Variants in GRB14 observed in about 807,000 individuals in gnomAD.
GRB14 encodes growth factor receptor-bound protein 14.
A neutral mutation model predicts 69.1 loss-of-function variants in GRB14; 38 were observed. The ratio of observed to expected loss-of-function variants is 0.55; its 90% CI spans 0.42 to 0.72. The LOEUF is 0.72. GRB14 is among the 30% of genes least tolerant of loss of function. GRB14 has a pLI of 0.00. For missense variants in GRB14, 666 were observed against 666.1 expected (o/e 1.00, Z 0.00); for synonymous variants, 247 against 241.3 (o/e 1.02, Z -0.22).
intron 2 of GRB14, among the ~76,000 whole-genome samples, chr2:164,589,652 T>C (rs1354179421): frequency 3.3e-5 from 5 of 152,082 alleles, no homozygotes; most frequent in South Asian, 2.1e-4. Flanking sequence ...AATCTATTCA[T>C]GGGGACTTCA....
In GRB14 at chr2:164,496,192, C is replaced by T. The variant is rs143409208; in HGVS notation, c.1382+816G>A. On this transcript the variant is annotated intron_variant, in intron 12 of 13. Transcript: ENST00000263915. ...CCTTGAAATCTTGTCATGATAATGA[C>T]ATGATTAGCCAACTTTTGAAGATAA... 3.8e-3 allele frequency among the ~76,000 whole-genome samples: 582 copies of T among 152,256 alleles called. 4 individuals are homozygous for T. Among genetic ancestry groups the T allele is most frequent in the Non-Finnish European group, 6.8e-3 (463 of 68,022 alleles).
chr2:164,502,270 C>G lies in GRB14; in HGVS notation c.1089G>C (p.Gln363His), dbSNP rs752469025. Residue 363 changes from glutamine to histidine, a missense_variant, in exon 9 of 14, where the codon CAG (glutamine) becomes CAC (histidine). By Grantham distance (24) the Gln-to-His change is conservative. Transcript: ENST00000263915. ...TGGTCCTTACCATAGGTGATATGCT[C>G]TGTGAACTGCAGCCACTTCTACCTT... The part of the protein sequence containing the change: ...PYQGRSGCSS[Q>H]SISPMRSISE... The G allele has an allele frequency of 1.3e-6, 2 of 1,599,228 alleles. No individual in the cohort carries two copies. Among genetic ancestry groups the G allele is most frequent in the African/African-American group, 1.3e-5 (1 of 74,560 alleles).
chr2:164,501,339 T>G lies in GRB14; in HGVS notation c.1104+916A>C, dbSNP rs193055373. On this transcript the variant is annotated intron_variant, in intron 9 of 13. Transcript: ENST00000263915. ...TGAGCATTTCATCTACTACATTACA[T>G]GTGGGATAAATGCACCTTCCCTGGT... Among the ~76,000 whole-genome samples, 712 of 152,168 alleles carry G rather than the reference T, an allele frequency of 4.7e-3. 5 individuals carry two copies. The highest frequency in any genetic ancestry group is 8.0e-3 in the Non-Finnish European group (544 of 67,960).
At chr2:164,609,658 T>C (rs754923734) in intron 2 of GRB14, among the ~76,000 whole-genome samples, 4 of 152,212 alleles carry the variant, frequency 2.6e-5, no homozygotes, top group Non-Finnish European at 5.9e-5. Context: ...GTATCCAGAA[T>C]AGCAGATAGT....
At chr2:164,576,808 A>G (rs1689262973) in intron 2 of GRB14, among the ~76,000 whole-genome samples, 2 of 140,750 alleles carry the variant, frequency 1.4e-5, no homozygotes, top group African/African-American at 5.1e-5. Flanking sequence ...TAAATATAAA[A>G]GTAGAAATTA....
At chr2:164,565,214 A>G (rs1688939347) in intron 2 of GRB14, among the ~76,000 whole-genome samples, 2 of 152,044 alleles carry the variant, frequency 1.3e-5, no homozygotes, top group South Asian at 4.1e-4. Flanking sequence ...GGACCTTAAA[A>G]TGTTTTCTTT....
At chr2:164,541,221 A>C (rs1217854747) in intron 3 of GRB14, among the ~76,000 whole-genome samples, 6 of 152,090 alleles carry the variant, frequency 3.9e-5, no homozygotes, top group Non-Finnish European at 7.4e-5. Context: ...TAATCCCAGC[A>C]CTTTGGGAGG....
chr2:164,564,001 C>T (rs958609787), intron 2 of GRB14, among the ~76,000 whole-genome samples: 1 of 152,048 alleles, frequency 6.6e-6, no homozygotes, highest in Non-Finnish European at 1.5e-5. Context: ...TGTTACAGGG[C>T]TGTAGTGGTT....
At chr2:164,530,479 A>G (rs1687897635) in intron 3 of GRB14, among the ~76,000 whole-genome samples, 1 of 152,166 alleles carries the variant, frequency 6.6e-6, no homozygotes, top group Admixed American at 6.5e-5. Flanking sequence ...CTTACAGGGA[A>G]AAATAGAGCA....
intron 6 of GRB14, among the ~76,000 whole-genome samples, chr2:164,509,189 G>A (rs754319446): frequency 1.3e-5 from 2 of 152,182 alleles, no homozygotes; most frequent in Admixed American, 6.5e-5. Flanking sequence ...TTTTGGAAAC[G>A]TATTCCTCAT....
intron 2 of GRB14, among the ~76,000 whole-genome samples, chr2:164,583,579 C>T (rs1689464940): frequency 6.6e-6 from 1 of 152,006 alleles, no homozygotes; most frequent in South Asian, 2.1e-4. Context: ...ATTACAATAT[C>T]TGGAGTAACT....
At chr2:164,549,705 A>C (rs1014628240) in intron 2 of GRB14, among the ~76,000 whole-genome samples, 3 of 151,934 alleles carry the variant, frequency 2.0e-5, no homozygotes, top group African/African-American at 7.3e-5. Flanking sequence ...TCCACTAAAA[A>C]TATAAAAAAT....
intron 2 of GRB14, among the ~76,000 whole-genome samples, chr2:164,550,603 G>C (rs1245583596): frequency 6.6e-6 from 1 of 151,916 alleles, no homozygotes; most frequent in Non-Finnish European, 1.5e-5. Flanking sequence ...CTATTCCTTT[G>C]ACCCAGCAAT....
At position 164,508,856 on chromosome 2, in the gene GRB14, A is replaced by AG; in HGVS notation, c.817-5_817-4insC. On this transcript the variant is annotated splice_region_variant and splice_polypyrimidine_tract_variant and intron_variant, in intron 6 of 13. Coordinates refer to ENST00000263915, the MANE Select transcript of GRB14 (RefSeq NM_004490.3). The stretch of plus-strand genomic sequence containing the variant: ...AAAACTGCAAATGCCGCGGTTCCTT[A>AG]AAAAAAAAAGTATTGACATGGATAC... The AG allele has an allele frequency of 8.3e-7, 1 of 1,209,852 alleles. No individual in the cohort carries two copies. Among genetic ancestry groups the AG allele is most frequent in the Non-Finnish European group, 1.1e-6 (1 of 894,130 alleles). 74.9% of individuals were successfully genotyped at this position (1,209,852 alleles called of 1,614,324 possible). A position where few individuals can be genotyped will look rare whatever the true frequency, so the allele number is the denominator to read the frequency against.
intron 2 of GRB14, among the ~76,000 whole-genome samples, chr2:164,567,013 C>G (rs986270112): frequency 6.6e-6 from 1 of 151,914 alleles, no homozygotes; most frequent in African/African-American, 2.4e-5. Flanking sequence ...CAATATTAAC[C>G]GGATAAAGAA....
chr2:164,500,022 T>C (rs1574243564), intron 9 of GRB14, among the ~76,000 whole-genome samples: 1 of 152,138 alleles, frequency 6.6e-6, no homozygotes, highest in South Asian at 2.1e-4. Context: ...TGTTGTAGGG[T>C]TCTTTTATGT....
At chr2:164,528,990 A>G (rs1687852670) in intron 3 of GRB14, among the ~76,000 whole-genome samples, 1 of 152,186 alleles carries the variant, frequency 6.6e-6, no homozygotes, top group Non-Finnish European at 1.5e-5. Flanking sequence ...CAATAGCCAA[A>G]AGGTGGAAAC....
chr2:164,587,961 T>G (rs187308328), intron 2 of GRB14, among the ~76,000 whole-genome samples: 1 of 152,290 alleles, frequency 6.6e-6, no homozygotes, highest in Admixed American at 6.5e-5. Context: ...ATTTCTGAAA[T>G]AAACATGTGG....
At chr2:164,519,618 T>C (rs541886607) in intron 6 of GRB14, among the ~76,000 whole-genome samples, 4 of 151,744 alleles carry the variant, frequency 2.6e-5, no homozygotes, top group African/African-American at 9.7e-5. Context: ...CCCTAAAGAT[T>C]CCCCCAAAAA....
Sources: gnomAD v4.1 joint callset for allele counts (sites outside exome capture counted in the v4.1 genomes callset) on GRCh38, gnomAD v4.1.1 for gene constraint, MANE v1.5 for transcripts, NCBI Gene and HGNC (gene_info 2026-07-23, HGNC 2026-07-21) for gene names.